Variants in PTPRO observed in about 807,000 individuals in gnomAD.
PTPRO encodes receptor-type tyrosine-protein phosphatase O.
In PTPRO, 62 loss-of-function variants were observed where a neutral mutation model predicts 145.2. The ratio of observed to expected loss-of-function variants is 0.43; its 90% CI spans 0.35 to 0.53. The LOEUF is 0.53. Ranked by LOEUF, PTPRO falls within the 20% of genes least tolerant of loss-of-function variation. The pLI is 0.01. For synonymous variants in PTPRO, 565 were observed against 514.7 expected, an observed-to-expected ratio of 1.10 and a Z score of -1.32; for missense variants, 1,345 against 1,482.7, an observed-to-expected ratio of 0.91 and a Z score of 1.53.
chr12:15,461,541 C>T (rs1941301829), intron 1 of PTPRO, among the ~76,000 whole-genome samples: 1 of 147,906 alleles, frequency 6.8e-6, no homozygotes, highest in Admixed American at 6.8e-5. Flanking sequence ...ATTTCCTAGT[C>T]CAAGTCCTTC....
intron 1 of PTPRO, among the ~76,000 whole-genome samples, chr12:15,371,386 C>A (rs936789155): frequency 2.0e-5 from 3 of 152,090 alleles, no homozygotes; most frequent in Non-Finnish European, 2.9e-5. Flanking sequence ...CACCCGCCAC[C>A]ACGCCAGGCT....
Position 15,508,558 on chromosome 12 carries a change from T to A in PTPRO, c.1268-13T>A, listed in dbSNP as rs1344109370. The A allele has an allele frequency of 1.9e-6, 3 of 1,613,418 alleles. No individual in the cohort carries two copies. Among genetic ancestry groups the A allele is most frequent in the African/African-American group, 1.3e-5 (1 of 74,910 alleles). ...CGTGCAGCCTCCCCTGTGTTCCAAT[T>A]TGAAATGTGCAGGTCCTTCAGGAGA... On this transcript the variant is annotated splice_polypyrimidine_tract_variant and intron_variant, in intron 6 of 26. Transcript: ENST00000281171.
intron 19 of PTPRO, among the ~76,000 whole-genome samples, chr12:15,572,522 T>C (rs1471139798): frequency 6.6e-6 from 1 of 152,240 alleles, no homozygotes; most frequent in East Asian, 1.9e-4. Flanking sequence ...TTTTCCTCTG[T>C]TTCTTTTATT....
intron 1 of PTPRO, among the ~76,000 whole-genome samples, chr12:15,342,313 G>A (rs1412854791): frequency 6.6e-6 from 1 of 151,930 alleles, no homozygotes; most frequent in African/African-American, 2.4e-5. Flanking sequence ...ATTAAAAATT[G>A]TTGTTTATCT....
chr12:15,341,189 T>A (rs1866970021), intron 1 of PTPRO, among the ~76,000 whole-genome samples: 1 of 152,234 alleles, frequency 6.6e-6, no homozygotes, highest in Non-Finnish European at 1.5e-5. Context: ...TAACTCTTAA[T>A]ACACAATTAA....
Position 15,581,463 on chromosome 12 carries a change from C to G in PTPRO, c.3133-216C>G, listed in dbSNP as rs151191300. On this transcript the variant is annotated intron_variant, in intron 22 of 26. Coordinates refer to ENST00000281171, the MANE Select transcript of PTPRO (RefSeq NM_030667.3). ...GCATTCTGAGTGCTTTGTCCCCTGA[C>G]CCCTCAACTCTGTTTTAGTTAGATA... 1.6e-3 allele frequency among the ~76,000 whole-genome samples: 246 copies of G among 152,116 alleles called. 2 individuals are homozygous for G. The highest frequency in any genetic ancestry group is 5.6e-3 in the African/African-American group (231 of 41,512).
At chr12:15,462,069 C>G (rs1029500765) in intron 1 of PTPRO, among the ~76,000 whole-genome samples, 1 of 152,158 alleles carries the variant, frequency 6.6e-6, no homozygotes, top group African/African-American at 2.4e-5. Context: ...TACTTTCCAT[C>G]CCCTCTTGCC....
rs1944153286 is a variant in PTPRO at position 15,575,197 on chromosome 12, T to A, written c.2830-3656T>A. Among the ~76,000 whole-genome samples the A allele has an allele frequency of 1.3e-5, 2 of 151,896 alleles. 1 individual carries two copies. The highest frequency in any genetic ancestry group is 4.2e-4 in the South Asian group (2 of 4,810). ...GTGAGTAAAACAGGGTTTTATTCGG[T>A]GAAAAGGAAGAAAAGGGAGAAACAG... is the stretch of plus-strand genomic sequence containing the variant. On this transcript the variant is annotated intron_variant, in intron 19 of 26. Transcript: ENST00000281171.
chr12:15,562,910 T>G (rs372678235), intron 17 of PTPRO, among the ~76,000 whole-genome samples: 3 of 152,102 alleles, frequency 2.0e-5, no homozygotes, highest in African/African-American at 7.2e-5. Flanking sequence ...TGATATAATA[T>G]ACTAAAGTCC....
intron 1 of PTPRO, among the ~76,000 whole-genome samples, chr12:15,467,292 A>C (rs1269686584): frequency 6.6e-6 from 1 of 152,044 alleles, no homozygotes; most frequent in Admixed American, 6.6e-5. Flanking sequence ...CTGCACTTGG[A>C]TGCCCACAGT....
chr12:15,505,188 CACA>C (rs755474059), intron 6 of PTPRO, among the ~76,000 whole-genome samples: 1 of 152,190 alleles, frequency 6.6e-6, no homozygotes, highest in African/African-American at 2.4e-5. Context: ...ACGAAAACTC[CACA>C]ACAATTCTGG....
At chr12:15,473,180 C>T (rs1227997067) in intron 1 of PTPRO, among the ~76,000 whole-genome samples, 1 of 152,184 alleles carries the variant, frequency 6.6e-6, no homozygotes, top group Non-Finnish European at 1.5e-5. Context: ...TAGGTGTCAT[C>T]TGGACTGTCA....
rs1205827727 is a variant in PTPRO, at chr12:15,515,997, T to TG, written c.1585+379_1585+380insG. 1.8e-3 allele frequency among the ~76,000 whole-genome samples: 251 copies of TG among 140,252 alleles called. 6 individuals carry two copies. The highest frequency in any genetic ancestry group is 3.3e-3 in the Non-Finnish European group (214 of 64,356). The allele number at this position is 140,252 out of a possible 152,430, so 92.0% of individuals were successfully genotyped here. A position where few individuals can be genotyped will look rare whatever the true frequency, so the allele number is the denominator to read the frequency against. On this transcript the variant is annotated intron_variant, in intron 8 of 26. Transcript: ENST00000281171. ...TCTGGTTTTTTTTTTGTTTTGTTTTTTTTTTTTTTTGGAGACAGAGTCTCG... is the reference window on the plus strand; with the variant it reads ...TCTGGTTTTTTTTTTGTTTTGTTTTTGTTTTTTTTTTGGAGACAGAGTCTCG...
At chr12:15,509,478 C>A (rs564496402) in intron 7 of PTPRO, among the ~76,000 whole-genome samples, 1 of 151,616 alleles carries the variant, frequency 6.6e-6, no homozygotes, top group African/African-American at 2.4e-5. Flanking sequence ...GGGTGGATCA[C>A]CTGAGGTCAG....
intron 1 of PTPRO, among the ~76,000 whole-genome samples, chr12:15,482,482 A>G (rs1213988197): frequency 1.3e-5 from 2 of 152,064 alleles, no homozygotes; most frequent in Non-Finnish European, 2.9e-5. Flanking sequence ...GACTATATTG[A>G]CACTTTATCG....
intron 12 of PTPRO, among the ~76,000 whole-genome samples, chr12:15,526,471 G>T (rs1452824724): frequency 6.6e-6 from 1 of 152,186 alleles, no homozygotes; most frequent in Non-Finnish European, 1.5e-5. Context: ...GGAAACAGTG[G>T]TGTTCGCTGT....
intron 19 of PTPRO, among the ~76,000 whole-genome samples, chr12:15,572,736 T>G (rs867831908): frequency 2.3e-4 from 35 of 151,522 alleles, no homozygotes; most frequent in Admixed American, 9.9e-4. Context: ...GTACATTTTC[T>G]CATCACCTTA....
chr12:15,466,027 C>T (rs965727812), intron 1 of PTPRO, among the ~76,000 whole-genome samples: 1 of 152,248 alleles, frequency 6.6e-6, no homozygotes, highest in Non-Finnish European at 1.5e-5. Flanking sequence ...ATATGATCAT[C>T]ACAAAAGTAT....
At chr12:15,582,202 C>G (rs934529082) in intron 23 of PTPRO, among the ~76,000 whole-genome samples, 1 of 152,224 alleles carries the variant, frequency 6.6e-6, no homozygotes, top group African/African-American at 2.4e-5. Flanking sequence ...TGTTCCTTGC[C>G]CTCATTGCGG....
Sources: gnomAD v4.1 joint callset for allele counts (sites outside exome capture counted in the v4.1 genomes callset) on GRCh38, gnomAD v4.1.1 for gene constraint, MANE v1.5 for transcripts, NCBI Gene and HGNC (gene_info 2026-07-23, HGNC 2026-07-21) for gene names.